Variants in TEK observed in about 807,000 individuals in gnomAD.
The protein encoded by TEK is angiopoietin-1 receptor.
Under a neutral mutation model 131.8 loss-of-function variants are expected in TEK, and 43 were observed. The observed-to-expected ratio is 0.33, with a 90% CI of 0.26 to 0.42. The LOEUF (loss-of-function observed/expected upper bound fraction) is 0.42. Ranked by LOEUF, TEK falls within the 10% of genes least tolerant of loss-of-function variation. The probability of loss-of-function intolerance (pLI) is 1.00; values close to 1 mark genes in which losing one functional copy is unlikely to be tolerated. For synonymous variants in TEK, 580 were observed against 491.6 expected (o/e 1.18, Z -2.38); for missense variants, 1,162 against 1,384.4 (o/e 0.84, Z 2.55).
At chr9:27,223,149 A>T (rs7041267) in intron 21 of TEK, among the ~76,000 whole-genome samples, 12 of 149,130 alleles carry the variant, frequency 8.0e-5, no homozygotes, top group Non-Finnish European at 1.0e-4. Context: ...AACTGCAAAG[A>T]GACTTAAAGT....
intron 3 of TEK, 131 bp downstream of exon 3, chr9:27,168,736 C>A: frequency 1.3e-6 from 1 of 746,592 alleles, no homozygotes; most frequent in Non-Finnish European, 2.3e-6. Flanking sequence ...TGCAAGCTTT[C>A]AAATTCTGTG....
At chr9:27,216,356 C>T (rs7034283) in intron 18 of TEK, among the ~76,000 whole-genome samples, 17 of 151,794 alleles carry the variant, frequency 1.1e-4, no homozygotes, top group South Asian at 2.1e-4. Context: ...ACAGAAGTGA[C>T]GAGATCCAAA....
intron 1 of TEK, among the ~76,000 whole-genome samples, chr9:27,156,416 G>C (rs1197421713): frequency 6.6e-6 from 1 of 151,976 alleles, no homozygotes; most frequent in East Asian, 1.9e-4. Flanking sequence ...AATGGGATGA[G>C]AGTGTATAGG....
At chr9:27,135,273 G>T (rs1822380062) in intron 1 of TEK, among the ~76,000 whole-genome samples, 1 of 151,124 alleles carries the variant, frequency 6.6e-6, no homozygotes, top group Non-Finnish European at 1.5e-5. Flanking sequence ...TTTTGAGCTG[G>T]TTGGCATTCA....
At chr9:27,199,524 G>A (rs1422035865) in intron 12 of TEK, among the ~76,000 whole-genome samples, 1 of 152,090 alleles carries the variant, frequency 6.6e-6, no homozygotes, top group African/African-American at 2.4e-5. Flanking sequence ...TATATCACTC[G>A]ATAGTGTCAC....
chr9:27,122,548 A>G (rs1040454086), intron 1 of TEK, among the ~76,000 whole-genome samples: 2 of 152,100 alleles, frequency 1.3e-5, no homozygotes, highest in Non-Finnish European at 2.9e-5. Flanking sequence ...TTGGTTTGAG[A>G]TTGGCCAAGT....
chr9:27,146,689 T>TATGAATA (rs1416364415), intron 1 of TEK, among the ~76,000 whole-genome samples: 1 of 152,096 alleles, frequency 6.6e-6, no homozygotes, highest in African/African-American at 2.4e-5. Flanking sequence ...TTGGGGTGAT[T>TATGAATA]ATGAATAAAT....
chr9:27,124,062 C>T (rs111725305), intron 1 of TEK, among the ~76,000 whole-genome samples: 38 of 152,346 alleles, frequency 2.5e-4, no homozygotes, highest in African/African-American at 8.4e-4. Flanking sequence ...TGGCGTGAGC[C>T]ACCGCAGCTG....
chr9:27,121,991 C>A (rs1335074279), intron 1 of TEK, among the ~76,000 whole-genome samples: 1 of 152,166 alleles, frequency 6.6e-6, no homozygotes, highest in Non-Finnish European at 1.5e-5. Context: ...TTTGTTTCTC[C>A]CAGGAAACCT....
At chr9:27,121,848 A>G (rs1821803345) in intron 1 of TEK, among the ~76,000 whole-genome samples, 1 of 152,236 alleles carries the variant, frequency 6.6e-6, no homozygotes, top group Non-Finnish European at 1.5e-5. Context: ...AGAACTGTGT[A>G]TGTGCATGTG....
intron 9 of TEK, among the ~76,000 whole-genome samples, chr9:27,190,272 C>T (rs181467040): frequency 1.2e-3 from 175 of 152,142 alleles, no homozygotes; most frequent in Middle Eastern, 3.4e-3. Context: ...TTGGTTTTAT[C>T]CTACATGTGA....
chr9:27,195,591 G>A (rs1348694834), intron 11 of TEK: 3 of 455,016 alleles, frequency 6.6e-6, no homozygotes, highest in Admixed American at 2.4e-5. Flanking sequence ...TCTATCCTAC[G>A]TTTTGGAAGG....
intron 6 of TEK, among the ~76,000 whole-genome samples, chr9:27,176,044 T>C (rs968609353): frequency 2.0e-5 from 3 of 152,182 alleles, no homozygotes; most frequent in Non-Finnish European, 4.4e-5. Context: ...ATTTTATGAA[T>C]AGAACTGTTC....
At chr9:27,166,774 G>C (rs1444914260) in intron 2 of TEK, among the ~76,000 whole-genome samples, 1 of 152,138 alleles carries the variant, frequency 6.6e-6, no homozygotes, top group Admixed American at 6.5e-5. Context: ...TTTTAGAATT[G>C]AGATTCTAGA....
At chr9:27,174,567 TA>T (rs1413139109) in intron 6 of TEK, among the ~76,000 whole-genome samples, 2 of 152,220 alleles carry the variant, frequency 1.3e-5, no homozygotes, top group African/African-American at 4.8e-5. Context: ...TTGGACTAGC[TA>T]TATTTTAAGA....
intron 2 of TEK, among the ~76,000 whole-genome samples, chr9:27,160,088 T>C (rs201987313): frequency 7.1e-6 from 1 of 140,016 alleles, no homozygotes; most frequent in East Asian, 2.3e-4. Context: ...AGTGGCACAA[T>C]TACAGTTCAC....
intron 18 of TEK, among the ~76,000 whole-genome samples, chr9:27,214,190 G>A (rs1257541185): frequency 6.6e-6 from 1 of 152,208 alleles, no homozygotes; most frequent in Non-Finnish European, 1.5e-5. Context: ...GAGGAAGAGA[G>A]ATACTCATTC....
chr9:27,172,099 G>A lies in TEK; in HGVS notation c.629-517G>A, dbSNP rs142314648. 3.6e-4 allele frequency among the ~76,000 whole-genome samples: 55 copies of A among 152,260 alleles called. 1 individual carries two copies. In the East Asian group the frequency reaches 9.4e-3, roughly 26 times the overall value. On this transcript the variant is annotated intron_variant, in intron 4 of 22. Coordinates refer to ENST00000380036, the MANE Select transcript of TEK (RefSeq NM_000459.5). ...GACACCAATGTGCACAGATTACTAC[G>A]CCACTTCTAGAATTTCTCATTCAGT... is the stretch of plus-strand genomic sequence containing the variant.
chr9:27,113,271 G>A (rs145805337), intron 1 of TEK, among the ~76,000 whole-genome samples: 1 of 152,260 alleles, frequency 6.6e-6, no homozygotes, highest in African/African-American at 2.4e-5. Context: ...CCTGTGAAAT[G>A]CTTAGCCAGT....
Sources: gnomAD v4.1 joint callset for allele counts (sites outside exome capture counted in the v4.1 genomes callset) on GRCh38, gnomAD v4.1.1 for gene constraint, MANE v1.5 for transcripts, NCBI Gene and HGNC (gene_info 2026-07-23, HGNC 2026-07-21) for gene names.